Variants in CXCL13 observed in about 807,000 individuals in gnomAD.
The protein encoded by CXCL13 is C-X-C motif chemokine 13.
A neutral mutation model predicts 12.2 loss-of-function variants in CXCL13; 7 were observed. That is an observed-to-expected ratio of 0.57 (90% CI 0.33 to 1.07). The LOEUF (loss-of-function observed/expected upper bound fraction) is 1.07, where lower values mean the gene tolerates loss of function less well. Ranked by LOEUF, CXCL13 falls within the 50% of genes least tolerant of loss-of-function variation. The pLI is 0.04. For missense variants in CXCL13, 113 were observed against 127.4 expected (o/e 0.89, Z 0.55); for synonymous variants, 47 against 42.4 (o/e 1.11, Z -0.42).
intron 1 of CXCL13, among the ~76,000 whole-genome samples, chr4:77,561,921 A>C (rs168539): frequency 0.23 from 35,131 of 152,016 alleles, 4,184 homozygotes; most frequent in East Asian, 0.36. Flanking sequence ...GGCTGCGCCC[A>C]GTGCTTGTGG....
At chr4:77,608,599 ACTT>A (rs1727063918) in intron 2 of CXCL13, among the ~76,000 whole-genome samples, 1 of 151,974 alleles carries the variant, frequency 6.6e-6, no homozygotes, top group South Asian at 2.1e-4. Context: ...TTTCCCATGG[ACTT>A]CTTTAGATTT....
intron 1 of CXCL13, among the ~76,000 whole-genome samples, chr4:77,579,305 A>G (rs572245221): frequency 2.6e-5 from 4 of 152,338 alleles, no homozygotes; most frequent in South Asian, 2.1e-4. Context: ...TAAGGAGTCA[A>G]TCTCTGGGTG....
chr4:77,597,119 T>C (rs770424406), intron 1 of CXCL13, among the ~76,000 whole-genome samples: 6 of 152,082 alleles, frequency 3.9e-5, no homozygotes, highest in Non-Finnish European at 7.4e-5. Context: ...GTCAAACATA[T>C]AGAAGCAGAG....
intron 1 of CXCL13, among the ~76,000 whole-genome samples, chr4:77,570,104 C>A (rs1459707669): frequency 6.6e-6 from 1 of 152,162 alleles, no homozygotes; most frequent in Non-Finnish European, 1.5e-5. Flanking sequence ...CCCTTCCTTA[C>A]ACCTTATAAA....
intron 1 of CXCL13, among the ~76,000 whole-genome samples, chr4:77,597,116 A>G (rs1445391212): frequency 6.6e-6 from 1 of 152,226 alleles, no homozygotes; most frequent in Non-Finnish European, 1.5e-5. Context: ...ACAGTCAAAC[A>G]TATAGAAGCA....
At chr4:77,555,714 T>C (rs1725641671) in intron 1 of CXCL13, among the ~76,000 whole-genome samples, 1 of 152,142 alleles carries the variant, frequency 6.6e-6, no homozygotes, top group African/African-American at 2.4e-5. Flanking sequence ...ACAGATTTGT[T>C]GTTTGTGTTA....
chr4:77,549,136 G>A lies in CXCL13; in HGVS notation c.-43+37348G>A, dbSNP rs148969879. 4.4e-3 allele frequency among the ~76,000 whole-genome samples: 677 copies of A among 152,222 alleles called. 19 individuals are homozygous for A. Among genetic ancestry groups the A allele is most frequent in the East Asian group, 0.027 (142 of 5,174 alleles). Reference sequence around the variant, plus strand: ...CTTCCACTGGATCGAATCAGCTACTGAAGCTTGTGCATGTGTCACGTAGTT... The same window carrying A: ...CTTCCACTGGATCGAATCAGCTACTAAAGCTTGTGCATGTGTCACGTAGTT... On this transcript the variant is annotated intron_variant, in intron 1 of 4. Transcript: ENST00000286758.
chr4:77,521,801 T>C (rs552478805), intron 1 of CXCL13, among the ~76,000 whole-genome samples: 1 of 152,272 alleles, frequency 6.6e-6, no homozygotes, highest in East Asian at 1.9e-4. Context: ...AATTGTGATG[T>C]TAGGATGTCA....
chr4:77,521,031 G>A (rs756775403), intron 1 of CXCL13, among the ~76,000 whole-genome samples: 54 of 152,252 alleles, frequency 3.5e-4, no homozygotes, highest in East Asian at 1.5e-3. Flanking sequence ...ATTGATTTGC[G>A]TATGTTGAAC....
In CXCL13 at chr4:77,570,023, A is replaced by C. The variant is rs557744387; in HGVS notation, c.-42-35801A>C. Among the ~76,000 whole-genome samples the C allele has an allele frequency of 1.7e-3, 253 of 152,308 alleles. 1 individual carries two copies. Among genetic ancestry groups the C allele is most frequent in the African/African-American group, 5.5e-3 (229 of 41,580 alleles). On this transcript the variant is annotated intron_variant, in intron 1 of 4. Coordinates refer to the CXCL13 transcript ENST00000286758. ...AAAACTGACAAAAACAAGCAATGGAAAAAGGACTCCCTATTCAATAAATGG... is the reference window on the plus strand; with the variant it reads ...AAAACTGACAAAAACAAGCAATGGACAAAGGACTCCCTATTCAATAAATGG...
At chr4:77,522,283 G>T (rs866168063) in intron 1 of CXCL13, among the ~76,000 whole-genome samples, 10 of 151,822 alleles carry the variant, frequency 6.6e-5, no homozygotes, top group Middle Eastern at 3.4e-3. Flanking sequence ...TGACAGTGGG[G>T]TGTTAAAGTC....
chr4:77,565,924 G>T (rs1245449065), intron 1 of CXCL13, among the ~76,000 whole-genome samples: 1 of 152,186 alleles, frequency 6.6e-6, no homozygotes, highest in African/African-American at 2.4e-5. Context: ...CTACACAAAG[G>T]TAGCAATAGC....
intron 1 of CXCL13, among the ~76,000 whole-genome samples, chr4:77,513,302 T>A (rs929522433): frequency 2.0e-5 from 3 of 152,212 alleles, no homozygotes; most frequent in African/African-American, 7.2e-5. Context: ...TACCCAGTGA[T>A]GGGATCGCTG....
chr4:77,567,495 GC>G (rs1178182813), intron 1 of CXCL13, among the ~76,000 whole-genome samples: 1 of 152,200 alleles, frequency 6.6e-6, no homozygotes, highest in Non-Finnish European at 1.5e-5. Flanking sequence ...GGAAGATGTT[GC>G]CCCTACGTGA....
upstream of CXCL13, among the ~76,000 whole-genome samples, chr4:77,604,351 C>T (rs907598610): frequency 1.1e-4 from 16 of 152,296 alleles, no homozygotes; most frequent in Non-Finnish European, 8.8e-5. Context: ...CTTCCTCCTT[C>T]TGTCTATCGC....
intron 1 of CXCL13, among the ~76,000 whole-genome samples, chr4:77,574,862 T>C (rs2109821111): frequency 6.6e-6 from 1 of 152,102 alleles, no homozygotes; most frequent in South Asian, 2.1e-4. Context: ...ATAAAAGCTG[T>C]GGTACCCTTT....
At chr4:77,586,566 C>A (rs1233700378) in intron 1 of CXCL13, among the ~76,000 whole-genome samples, 1 of 152,138 alleles carries the variant, frequency 6.6e-6, no homozygotes, top group Non-Finnish European at 1.5e-5. Flanking sequence ...AGAGCAAGCG[C>A]CTTGGGCAAA....
intron 1 of CXCL13, among the ~76,000 whole-genome samples, chr4:77,543,919 C>T (rs956928431): frequency 6.6e-6 from 1 of 152,086 alleles, no homozygotes; most frequent in Non-Finnish European, 1.5e-5. Context: ...CATGACAGGT[C>T]CCGGTGTGTG....
chr4:77,519,133 G>C (rs1724508025), intron 1 of CXCL13, among the ~76,000 whole-genome samples: 1 of 152,176 alleles, frequency 6.6e-6, no homozygotes, highest in Non-Finnish European at 1.5e-5. Context: ...GAATGCTGCT[G>C]TCTGATCGTT....
Sources: allele counts gnomAD v4.1 joint callset (sites outside exome capture counted in the v4.1 genomes callset), GRCh38; gene constraint gnomAD v4.1.1; transcripts MANE v1.5; gene names NCBI Gene and HGNC (gene_info 2026-07-23, HGNC 2026-07-21).